Variants in RAD51B observed in about 807,000 individuals in gnomAD.
The protein encoded by RAD51B is RAD51 paralog B.
In RAD51B, 38 loss-of-function variants were observed where a neutral mutation model predicts 42.2. The ratio of observed to expected loss-of-function variants is 0.90; its 90% CI spans 0.70 to 1.18. The LOEUF is 1.18. Ranked by LOEUF, RAD51B falls within the 50% of genes most tolerant of loss-of-function variation. The probability of loss-of-function intolerance (pLI) is 0.00; values close to 1 mark genes in which losing one functional copy is unlikely to be tolerated. For missense variants in RAD51B, 373 were observed against 400.7 expected (o/e 0.93, Z 0.59); for synonymous variants, 154 against 145.2 (o/e 1.06, Z -0.43).
At chr14:68,083,384 A>C (rs1387808970) in intron 7 of RAD51B, among the ~76,000 whole-genome samples, 1 of 138,374 alleles carries the variant, frequency 7.2e-6, no homozygotes, top group Non-Finnish European at 1.7e-5. Flanking sequence ...TTGTTGACTT[A>C]TGTCAGATTA....
intron 8 of RAD51B, among the ~76,000 whole-genome samples, chr14:68,329,778 G>A (rs951285553): frequency 2.6e-5 from 4 of 152,040 alleles, no homozygotes; most frequent in African/African-American, 9.7e-5. Flanking sequence ...TCAGGAGATC[G>A]AGACCATCCT....
At chr14:68,488,950 T>A (rs1292055457) in intron 10 of RAD51B, among the ~76,000 whole-genome samples, 1 of 152,078 alleles carries the variant, frequency 6.6e-6, no homozygotes, top group Non-Finnish European at 1.5e-5. Context: ...TCACTATTTT[T>A]ATTTTATTTA....
chr14:68,095,324 G>C (rs968847775), intron 7 of RAD51B, among the ~76,000 whole-genome samples: 5 of 151,928 alleles, frequency 3.3e-5, no homozygotes, highest in Admixed American at 6.6e-5. Context: ...GTTGAGAACT[G>C]TATTCTCAAC....
At chr14:68,406,059 T>C (rs2084265300) in intron 8 of RAD51B, among the ~76,000 whole-genome samples, 1 of 152,192 alleles carries the variant, frequency 6.6e-6, no homozygotes. Context: ...AAGGATACAA[T>C]ATGATTCAAA....
chr14:68,022,670 A>C (rs951756858), intron 7 of RAD51B, among the ~76,000 whole-genome samples: 7 of 149,880 alleles, frequency 4.7e-5, no homozygotes, highest in African/African-American at 1.7e-4. Flanking sequence ...CTCTTATTTC[A>C]GGTTCAAGGG....
chr14:68,610,984 A>C (rs912675445), intron 10 of RAD51B: 10 of 701,220 alleles, frequency 1.4e-5, no homozygotes, highest in Admixed American at 4.0e-5. Context: ...TTTAAATCTG[A>C]TCTTATTCTC....
At chr14:67,862,259 A>G in intron 4 of RAD51B, among the ~76,000 whole-genome samples, 1 of 152,044 alleles carries the variant, frequency 6.6e-6, no homozygotes, top group East Asian at 1.9e-4. Flanking sequence ...ATAAATATAT[A>G]TTATTATTTA....
At chr14:68,201,604 A>T (rs1051292466) in intron 7 of RAD51B, among the ~76,000 whole-genome samples, 15 of 152,192 alleles carry the variant, frequency 9.9e-5, no homozygotes, top group African/African-American at 7.2e-5. Context: ...ACCTTTTCAT[A>T]CCATGTTTCT....
chr14:68,427,572 G>A (rs1407722721), intron 9 of RAD51B, among the ~76,000 whole-genome samples: 1 of 152,146 alleles, frequency 6.6e-6, no homozygotes, highest in Non-Finnish European at 1.5e-5. Flanking sequence ...TCTCCCTTTT[G>A]GAATGGGAAT....
intron 7 of RAD51B, among the ~76,000 whole-genome samples, chr14:67,971,645 G>A (rs1010172417): frequency 1.3e-5 from 2 of 152,046 alleles, no homozygotes; most frequent in Admixed American, 1.3e-4. Context: ...AGAATACATT[G>A]TTCTTGATGT....
intron 8 of RAD51B, among the ~76,000 whole-genome samples, chr14:68,362,550 T>C (rs1354573768): frequency 4.6e-5 from 7 of 151,960 alleles, no homozygotes. Context: ...GCACCAGACC[T>C]GAAAGAAACA....
At chr14:68,360,532 C>T (rs2083001761) in intron 8 of RAD51B, among the ~76,000 whole-genome samples, 1 of 152,210 alleles carries the variant, frequency 6.6e-6, no homozygotes, top group Non-Finnish European at 1.5e-5. Context: ...GGGCATGTGC[C>T]ATGTACTAGG....
rs150323823 is a variant in RAD51B at position 68,241,948 on chromosome 14, C to T, written c.757-49936C>T. Among the ~76,000 whole-genome samples the T allele has an allele frequency of 8.1e-3, 1,235 of 152,266 alleles. 4 individuals carry two copies. The highest frequency in any genetic ancestry group is 0.011 in the Non-Finnish European group (723 of 68,012). On this transcript the variant is annotated intron_variant, in intron 7 of 10. Coordinates refer to ENST00000471583, the MANE Select transcript of RAD51B (RefSeq NM_133510.4). ...ATTAAATGATTCTGGCAGTGTCTGC[C>T]GGGTCTCCAGACTTCCCCTGCTTAT...
In RAD51B at chr14:68,136,351, G is replaced by A. The variant is rs1325227372; in HGVS notation, c.757-155533G>A. ...AGCACTTTGGGAGGCCAAGGCGGGCGGGTGGATCACGAGGTCAAGAGATCG... is the reference window on the plus strand; with the variant it reads ...AGCACTTTGGGAGGCCAAGGCGGGCAGGTGGATCACGAGGTCAAGAGATCG... On this transcript the variant is annotated intron_variant, in intron 7 of 10. Transcript: ENST00000471583. Among the ~76,000 whole-genome samples, 10 of 20,004 alleles carry A rather than the reference G, an allele frequency of 5.0e-4. 2 individuals are homozygous for A. Among genetic ancestry groups the A allele is most frequent in the African/African-American group, 5.9e-4 (9 of 15,184 alleles). 13.1% of individuals were successfully genotyped at this position (20,004 alleles called of 152,430 possible).
At chr14:68,228,125 A>C (rs1020468635) in intron 7 of RAD51B, among the ~76,000 whole-genome samples, 3 of 152,174 alleles carry the variant, frequency 2.0e-5, no homozygotes, top group African/African-American at 4.8e-5. Context: ...CTAGTAAGAG[A>C]CAGAGCCAGA....
At chr14:68,293,709 C>T (rs1229228930) in intron 8 of RAD51B, among the ~76,000 whole-genome samples, 4 of 152,214 alleles carry the variant, frequency 2.6e-5, no homozygotes, top group African/African-American at 9.6e-5. Context: ...ACCTGCTTGC[C>T]TATGGTCTCA....
chr14:67,976,285 T>A (rs1262733427), intron 7 of RAD51B, among the ~76,000 whole-genome samples: 1 of 151,714 alleles, frequency 6.6e-6, no homozygotes, highest in Non-Finnish European at 1.5e-5. Flanking sequence ...CCAAGATAAT[T>A]TTTAAAAATT....
intron 7 of RAD51B, among the ~76,000 whole-genome samples, chr14:67,967,726 C>T (rs2074810899): frequency 6.6e-6 from 1 of 152,110 alleles, no homozygotes; most frequent in African/African-American, 2.4e-5. Flanking sequence ...GGTATAGCTC[C>T]CCTCCTGGCT....
chr14:68,649,309 A>G (rs1439138739), intron 10 of RAD51B, among the ~76,000 whole-genome samples: 1 of 152,192 alleles, frequency 6.6e-6, no homozygotes, highest in Non-Finnish European at 1.5e-5. Flanking sequence ...CTAGGAACAC[A>G]GGGGTAACTG....
Sources: gnomAD v4.1 joint callset for allele counts (sites outside exome capture counted in the v4.1 genomes callset) on GRCh38, gnomAD v4.1.1 for gene constraint, MANE v1.5 for transcripts, NCBI Gene and HGNC (gene_info 2026-07-23, HGNC 2026-07-21) for gene names.